The following ABRAXAS2 variants were observed in gnomAD, a reference collection of about 807,000 sequenced individuals.
ABRAXAS2 encodes abraxas 2, BRISC complex subunit.
In ABRAXAS2, 23 loss-of-function variants were observed where a neutral mutation model predicts 49.0. The ratio of observed to expected loss-of-function variants is 0.47; its 90% CI spans 0.34 to 0.66. ABRAXAS2 has a LOEUF of 0.66. Among genes scored for constraint, ABRAXAS2 ranks in the 30% least tolerant of loss-of-function variants. The probability of loss-of-function intolerance (pLI) is 0.01; values close to 1 mark genes in which losing one functional copy is unlikely to be tolerated. For synonymous variants in ABRAXAS2, 168 were observed against 180.2 expected (o/e 0.93, Z 0.54); for missense variants, 443 against 511.9 (o/e 0.87, Z 1.30).
intron 2 of ABRAXAS2, among the ~76,000 whole-genome samples, chr10:124,814,587 C>A (rs548546712): frequency 2.0e-5 from 3 of 152,128 alleles, no homozygotes; most frequent in Non-Finnish European, 2.9e-5. Flanking sequence ...GTGATCCACC[C>A]GCCTTGGCCT....
At chr10:124,813,180 G>A (rs563887871) in intron 2 of ABRAXAS2, among the ~76,000 whole-genome samples, 5 of 152,124 alleles carry the variant, frequency 3.3e-5, no homozygotes, top group African/African-American at 1.2e-4. Context: ...CAGCCTGGGC[G>A]ACAAAGCGAG....
chr10:124,814,000 A>AT (rs778383743), intron 2 of ABRAXAS2, among the ~76,000 whole-genome samples: 8 of 152,068 alleles, frequency 5.3e-5, no homozygotes, highest in Non-Finnish European at 1.0e-4. Flanking sequence ...TTATTTATTT[A>AT]TTTATTTTGA....
rs756631420 is a variant in ABRAXAS2 at position 124,834,930 on chromosome 10, C to G, written c.1207C>G (p.Pro403Ala). 1.2e-6 allele frequency: 2 copies of G among 1,613,688 alleles called. No individual in the cohort carries two copies. Among genetic ancestry groups the G allele is most frequent in the South Asian group, 2.2e-5 (2 of 90,988 alleles). ...AAAGGATTCTCGACCCATGGCACAT[C>G]CCGACGAGGACCCCAGGAACACTCA... is the stretch of plus-strand genomic sequence containing the variant. ...HSKDSRPMAH[P>A]DEDPRNTQTS... The change falls in exon 9 of 9, where the codon CCC (proline) becomes GCC (alanine). Residue 403 changes from proline (P) to alanine (A), a missense_variant. This residue lies in a region of ABRAXAS2 where 230 missense variants were observed against 237.0 expected (regional missense o/e 0.97). Transcript: ENST00000298492.
intron 8 of ABRAXAS2, among the ~76,000 whole-genome samples, chr10:124,832,583 G>A (rs1455652747): frequency 6.6e-6 from 1 of 152,032 alleles, no homozygotes; most frequent in Non-Finnish European, 1.5e-5. Context: ...GGTGGCTCAC[G>A]CCTGTAATCC....
chr10:124,828,734 T>C (rs371239583), intron 5 of ABRAXAS2, 22 bp from the exon 6 acceptor site: 54 of 1,608,594 alleles, frequency 3.4e-5, no homozygotes, highest in Non-Finnish European at 4.5e-5. Flanking sequence ...TTTAACATGA[T>C]CTCTCTGAAT....
At chr10:124,806,268 T>C (rs1950743037) in intron 1 of ABRAXAS2, among the ~76,000 whole-genome samples, 1 of 149,136 alleles carries the variant, frequency 6.7e-6, no homozygotes, top group Non-Finnish European at 1.5e-5. Flanking sequence ...ATCGCGCCAC[T>C]GCACTCCAGC....
chr10:124,830,958 A>G (rs1400474248), intron 7 of ABRAXAS2, among the ~76,000 whole-genome samples: 1 of 152,108 alleles, frequency 6.6e-6, no homozygotes, highest in Admixed American at 6.5e-5. Context: ...GTCTTATCTG[A>G]TTTTTTGAAT....
intron 3 of ABRAXAS2, among the ~76,000 whole-genome samples, chr10:124,817,095 A>C (rs1253084528): frequency 6.6e-6 from 1 of 152,168 alleles, no homozygotes; most frequent in African/African-American, 2.4e-5. Flanking sequence ...CTGTATGTAC[A>C]TACCTATCAT....
chr10:124,801,948 T>C, intron 1 of ABRAXAS2, 47 bp downstream of exon 1: 1 of 1,588,186 alleles, frequency 6.3e-7, no homozygotes, highest in Non-Finnish European at 8.6e-7. Flanking sequence ...TTTCAGCCTC[T>C]GTCTCAGGCC....
At chr10:124,808,925 G>A (rs1426077820) in intron 2 of ABRAXAS2, among the ~76,000 whole-genome samples, 6 of 152,160 alleles carry the variant, frequency 3.9e-5, no homozygotes, top group Non-Finnish European at 7.3e-5. Context: ...GAGGTTGGGA[G>A]TTCAAGACCA....
chr10:124,821,533 A>C (rs537763518), intron 4 of ABRAXAS2, among the ~76,000 whole-genome samples: 12 of 149,816 alleles, frequency 8.0e-5, no homozygotes, highest in Non-Finnish European at 1.3e-4. Flanking sequence ...GCCACTGCAC[A>C]CTCCCACCTG....
At chr10:124,825,435 A>T (rs531196143) in intron 4 of ABRAXAS2, among the ~76,000 whole-genome samples, 1 of 152,000 alleles carries the variant, frequency 6.6e-6, no homozygotes, top group African/African-American at 2.4e-5. Flanking sequence ...TATGTTCAGT[A>T]GTACTCCTTA....
chr10:124,817,719 A>G (rs1479919716), intron 3 of ABRAXAS2, among the ~76,000 whole-genome samples: 1 of 151,948 alleles, frequency 6.6e-6, no homozygotes, highest in Non-Finnish European at 1.5e-5. Flanking sequence ...GCACCCAAAA[A>G]TCCCTGGGGA....
At chr10:124,825,922 T>C (rs1369955248) in intron 4 of ABRAXAS2, among the ~76,000 whole-genome samples, 6 of 152,212 alleles carry the variant, frequency 3.9e-5, no homozygotes, top group East Asian at 3.8e-4. Flanking sequence ...ATCTGCACTT[T>C]AGCAGTCTTT....
At chr10:124,802,610 T>G (rs1327501528) in intron 1 of ABRAXAS2, among the ~76,000 whole-genome samples, 1 of 152,206 alleles carries the variant, frequency 6.6e-6, no homozygotes, top group Non-Finnish European at 1.5e-5. Flanking sequence ...TCCTGTCTGT[T>G]TCAGTGTCTT....
intron 4 of ABRAXAS2, among the ~76,000 whole-genome samples, chr10:124,824,485 G>A (rs6597854): frequency 0.057 from 8,332 of 145,938 alleles, 740 homozygotes; most frequent in African/African-American, 0.2. Context: ...CCAAGATCGC[G>A]CCACTGCTCT....
At chr10:124,831,842 CTTTTTTTTTT>C (rs71029219) in intron 8 of ABRAXAS2, among the ~76,000 whole-genome samples, 3 of 37,698 alleles carry the variant, frequency 8.0e-5, no homozygotes, top group Admixed American at 4.4e-4. Flanking sequence ...TGTGTCCTGT[CTTTTTTTTTT>C]TTTTTTTTTT....
intron 5 of ABRAXAS2, among the ~76,000 whole-genome samples, chr10:124,828,527 G>C (rs183352504): frequency 3.3e-4 from 50 of 152,110 alleles, no homozygotes; most frequent in African/African-American, 1.1e-3. Flanking sequence ...ACCATGCCCG[G>C]CTAATTTTTT....
Position 124,835,631 on chromosome 10 carries a change from A to T in ABRAXAS2, c.*660A>T, listed in dbSNP as rs1950964570. ...AGATACTAATTACCAGTAAGTAATC[A>T]TCCAAATAAATACGTCATAAAATAA... On this transcript the variant is annotated 3_prime_UTR_variant, in exon 9 of 9. Transcript: ENST00000298492. The T allele has an allele frequency of 6.6e-6, 1 of 152,406 alleles. No homozygotes were observed. The highest frequency in any genetic ancestry group is 2.4e-5 in the African/African-American group (1 of 41,448). 9.4% of individuals were successfully genotyped at this position (152,406 alleles called of 1,614,324 possible).
Sources: gnomAD v4.1 joint callset for allele counts (sites outside exome capture counted in the v4.1 genomes callset) on GRCh38, gnomAD v4.1.1 for gene constraint, gnomAD v4.1.1 regional missense constraint, MANE v1.5 for transcripts, NCBI Gene and HGNC (gene_info 2026-07-23, HGNC 2026-07-21) for gene names.